Variants in P2RX6 observed in about 807,000 individuals in gnomAD.
The protein encoded by P2RX6 is P2X purinoceptor 6.
In P2RX6, 62 loss-of-function variants were observed where a neutral mutation model predicts 54.2. The observed-to-expected ratio is 1.14, with a 90% CI of 0.93 to 1.41. The LOEUF (loss-of-function observed/expected upper bound fraction) is 1.41. P2RX6 is among the 40% of genes most tolerant of loss of function. The pLI is 0.00. For synonymous variants in P2RX6, 211 were observed against 231.9 expected (o/e 0.91, Z 0.82); for missense variants, 541 against 566.3 (o/e 0.96, Z 0.45).
upstream of P2RX6, among the ~76,000 whole-genome samples, chr22:21,012,107 C>G (rs1428669993): frequency 6.6e-6 from 1 of 152,174 alleles, no homozygotes; most frequent in Non-Finnish European, 1.5e-5. Flanking sequence ...TCATAGGTCA[C>G]CCCGTTTTCT....
rs563376211 is a variant in P2RX6 at position 21,026,746 on chromosome 22, C to T, written c.*129C>T. 9.0e-6 allele frequency: 13 copies of T among 1,444,766 alleles called. No individual in the cohort carries two copies. The highest frequency in any genetic ancestry group is 5.9e-5 in the South Asian group (4 of 68,258). 89.5% of individuals were successfully genotyped at this position (1,444,766 alleles called of 1,614,324 possible). ...CCTTGAACCCCAGCAGACAGTCCCT[C>T]CCCTGACTCCCACCTTGGTAGGGTG... On this transcript the variant is annotated 3_prime_UTR_variant, in exon 12 of 12. Coordinates refer to ENST00000413302, the MANE Select transcript of P2RX6 (RefSeq NM_005446.5). The surrounding 1 kb of genome is among the most constrained non-coding windows in gnomAD (Gnocchi z 4.0).
At chr22:21,016,247 G>A (rs1262640932) in intron 2 of P2RX6, among the ~76,000 whole-genome samples, 155 bp downstream of exon 2, 3 of 152,190 alleles carry the variant, frequency 2.0e-5, no homozygotes, top group Non-Finnish European at 4.4e-5. Context: ...GTGGCACCTG[G>A]ACAGGACTTT....
upstream of P2RX6, among the ~76,000 whole-genome samples, chr22:21,012,138 G>C (rs1925770263): frequency 6.6e-6 from 1 of 152,154 alleles, no homozygotes; most frequent in Non-Finnish European, 1.5e-5. Context: ...GACAGCATTT[G>C]GATTCAGCTT....
rs754923673 is a variant in P2RX6 at position 21,022,740 on chromosome 22, C to T, written c.452C>T (p.Thr151Ile). 1 of 1,573,902 alleles carries T rather than the reference C, an allele frequency of 6.4e-7. No homozygotes were observed. The highest frequency in any genetic ancestry group is 1.9e-5 in the Admixed American group (1 of 53,760). The change falls in exon 4 of 12, where the codon ACA becomes ATA. Residue 151 changes from threonine (T) to isoleucine (I), a missense_variant. Physicochemically the swap from Thr to Ile is moderately conservative, Grantham distance 89 (BLOSUM62 -1). Transcript: ENST00000413302. ...DEDCPEGEGG[T>I]HSHGVKTGQC... Reference sequence around the variant, plus strand: ...GACTGCCCCGAAGGGGAGGGAGGCACACACAGCCACGGTAACTGTGGGCTC... The same window carrying T: ...GACTGCCCCGAAGGGGAGGGAGGCATACACAGCCACGGTAACTGTGGGCTC...
rs774803002 is a variant in P2RX6 at position 21,015,217 on chromosome 22, G to C, written c.43G>C (p.Gly15Arg). Residue 15 changes from glycine to arginine, a missense_variant, in exon 1 of 12, where the codon GGG becomes CGG. Around this residue, in one of 2 missense-constraint regions of P2RX6, gnomAD observed 15 missense variants for 34.8 expected, o/e 0.43. Transcript: ENST00000413302. Reference sequence around the variant, plus strand: ...AGGAGCTGGCAGCATGGGCTCCCCAGGGGCTACGACAGGCTGGGGGCTTCT... The same window carrying C: ...AGGAGCTGGCAGCATGGGCTCCCCACGGGCTACGACAGGCTGGGGGCTTCT... ...LAGAGSMGSPGATTGWGLLDY... is the reference protein window; with the variant it reads ...LAGAGSMGSPRATTGWGLLDY... The C allele has an allele frequency of 1.3e-6, 2 of 1,530,172 alleles. No homozygotes were observed. Among genetic ancestry groups the C allele is most frequent in the Non-Finnish European group, 1.7e-6 (2 of 1,149,380 alleles). 94.8% of individuals were successfully genotyped at this position (1,530,172 alleles called of 1,614,324 possible). A position where few individuals can be genotyped will look rare whatever the true frequency, so the allele number is the denominator to read the frequency against.
Position 21,023,306 on chromosome 22 carries a change from T to A in P2RX6, c.670T>A (p.Tyr224Asn). The change falls in exon 7 of 12, where the codon TAT (tyrosine) becomes AAT (asparagine). Residue 224 changes from tyrosine (Y) to asparagine (N), a missense_variant. Tyr to Asn is a moderately radical substitution (Grantham distance 143, BLOSUM62 -2). Coordinates refer to ENST00000413302, the MANE Select transcript of P2RX6 (RefSeq NM_005446.5). ...TGCCTTGGAGACCTGGGACCCCACC[T>A]ATTTTAAGCACTGCCGCTATGAACC... ...SNALETWDPT[Y>N]FKHCRYEPQF... 1 of 1,613,968 alleles carries A rather than the reference T, an allele frequency of 6.2e-7. No homozygotes were observed. The highest frequency in any genetic ancestry group is 1.6e-4 in the Middle Eastern group (1 of 6,062).
Position 21,026,158 on chromosome 22 carries a change from G to T in P2RX6, c.1050+82G>T, listed in dbSNP as rs1373164107. 2 of 1,530,314 alleles carry T rather than the reference G, an allele frequency of 1.3e-6. No individual in the cohort carries two copies. The highest frequency in any genetic ancestry group is 4.7e-5 in the East Asian group (2 of 42,364). 94.8% of individuals were successfully genotyped at this position (1,530,314 alleles called of 1,614,324 possible). ...GTGTCCAATGCATGCTGGAGCCTCCGGTGCCTGCACATTGAGTCTCGGGGT... is the reference window on the plus strand; with the variant it reads ...GTGTCCAATGCATGCTGGAGCCTCCTGTGCCTGCACATTGAGTCTCGGGGT... On this transcript the variant is annotated intron_variant, in intron 10 of 11. Transcript: ENST00000413302. The surrounding 1 kb of genome is among the most constrained non-coding windows in gnomAD (Gnocchi z 4.0).
At chr22:21,021,785 G>A (rs767622067) in intron 3 of P2RX6, among the ~76,000 whole-genome samples, 2 of 152,086 alleles carry the variant, frequency 1.3e-5, no homozygotes, top group Non-Finnish European at 2.9e-5. Flanking sequence ...CTCCCCTTCT[G>A]CCAGAGCCCC....
chr22:21,023,589 C>T lies in P2RX6; in HGVS notation c.861C>T (p.Phe287=), dbSNP rs775829470. The change falls in exon 8 of 12, where the codon TTC becomes TTT. Residue 287 remains phenylalanine (F), a synonymous_variant. Coordinates refer to ENST00000413302, the MANE Select transcript of P2RX6 (RefSeq NM_005446.5). ...CTGGCTGCTGGCCTCACTACTCCTT[C>T]CAGCTGCAGGAGAAGAGCTACAACT... ...GDSGCWPHYS[F]QLQEKSYNFR... is the part of the protein sequence containing the mutation. 7 of 1,612,072 alleles carry T rather than the reference C, an allele frequency of 4.3e-6. No homozygotes were observed. The African/African-American group carries it at 8.0e-5, about 18-fold the overall frequency.
At chr22:21,022,117 CA>C (rs1927506151) in intron 3 of P2RX6, among the ~76,000 whole-genome samples, 1 of 152,140 alleles carries the variant, frequency 6.6e-6, no homozygotes, top group Non-Finnish European at 1.5e-5. Context: ...CCTGTAATCC[CA>C]GCACTCTGGG....
intron 2 of P2RX6, among the ~76,000 whole-genome samples, chr22:21,016,797 C>T (rs1168534656): frequency 6.6e-6 from 1 of 152,104 alleles, no homozygotes; most frequent in Admixed American, 6.5e-5. Context: ...TTTCCTCCTC[C>T]CTCCACCCAG....
upstream of P2RX6, chr22:21,015,111 C>T (rs1286180726): frequency 9.6e-7 from 1 of 1,036,834 alleles, no homozygotes; most frequent in East Asian, 2.9e-5. Context: ...AGCAACTGGC[C>T]TGGCCTGGCT....
chr22:21,012,656 G>A (rs1349519482), upstream of P2RX6: 4 of 526,922 alleles, frequency 7.6e-6, no homozygotes, highest in South Asian at 4.2e-5. Context: ...AGAGACCGGC[G>A]CCCTGGGACA....
intron 3 of P2RX6, among the ~76,000 whole-genome samples, chr22:21,021,763 A>G (rs1001843673): frequency 6.6e-6 from 1 of 152,094 alleles, no homozygotes; most frequent in Admixed American, 6.5e-5. Flanking sequence ...GACCCCAGAA[A>G]GCTCACCTGT....
chr22:21,026,465 G>T lies in P2RX6; in HGVS notation c.1174G>T (p.Ala392Ser). 6.2e-7 allele frequency: 1 copy of T among 1,603,528 alleles called. No individual in the cohort carries two copies. The highest frequency in any genetic ancestry group is 8.5e-7 in the Non-Finnish European group (1 of 1,175,518). Reference protein sequence around the residue: ...ATANSVWRELALASQARLAEC... With the variant: ...ATANSVWRELSLASQARLAEC... ...CGCCAACTCTGTGTGGAGGGAGCTG[G>T]CCCTTGCATCCCAAGCCCGACTGGC... Residue 392 changes from alanine to serine, a missense_variant, in exon 12 of 12, where the codon GCC becomes TCC. Physicochemically the swap from Ala to Ser is moderately conservative, Grantham distance 99 (BLOSUM62 1). Around this residue, in one of 2 missense-constraint regions of P2RX6, gnomAD observed 526 missense variants for 531.5 expected, o/e 0.99. Transcript: ENST00000413302. This position sits in a 1 kb window ranked among gnomAD's most constrained non-coding sequence, Gnocchi z 4.0.
At chr22:21,015,361 C>T (rs1394739784) in intron 1 of P2RX6, 23 bp downstream of exon 1, 1 of 1,534,162 alleles carries the variant, frequency 6.5e-7, no homozygotes. Context: ...AGCTTTTGGC[C>T]AGGCTGGAGG....
chr22:21,019,934 G>C (rs1042192986), intron 3 of P2RX6, among the ~76,000 whole-genome samples: 2 of 152,228 alleles, frequency 1.3e-5, no homozygotes, highest in East Asian at 3.8e-4. Flanking sequence ...TCCGCCCTGG[G>C]TGGGCCAGGT....
upstream of P2RX6, chr22:21,011,597 G>A (rs535433107): frequency 1.5e-5 from 11 of 714,898 alleles, no homozygotes; most frequent in South Asian, 7.4e-5. Flanking sequence ...ACATCTGGGG[G>A]ACGGAGCCAC....
chr22:21,018,093 C>G (rs771820833), intron 3 of P2RX6, 33 bp downstream of exon 3: 31 of 1,488,816 alleles, frequency 2.1e-5, no homozygotes, highest in Non-Finnish European at 2.9e-5. Context: ...CAGCGGGTCC[C>G]TTGTTCCTCC....
Sources: allele counts gnomAD v4.1 joint callset (sites outside exome capture counted in the v4.1 genomes callset), GRCh38; gene constraint gnomAD v4.1.1; regional missense constraint gnomAD v4.1.1; non-coding constraint Gnocchi (gnomAD v3.1); transcripts MANE v1.5; gene names NCBI Gene and HGNC (gene_info 2026-07-23, HGNC 2026-07-21).